The following ACYP2 variants were observed in gnomAD, a reference collection of about 807,000 sequenced individuals.
ACYP2 encodes the protein acylphosphatase 2.
In ACYP2, 12 loss-of-function variants were observed where a neutral mutation model predicts 11.2. That is an observed-to-expected ratio of 1.08 (90% confidence interval 0.69 to 1.74). ACYP2 has a LOEUF of 1.74. Among genes scored for constraint, ACYP2 ranks in the 40% most tolerant of loss-of-function variants. The pLI is 0.00. For synonymous variants in ACYP2, 43 were observed against 32.2 expected (o/e 1.33, Z -1.13); for missense variants, 134 against 101.9 (o/e 1.31, Z -1.35).
intron 6 of ACYP2, among the ~76,000 whole-genome samples, chr2:54,249,549 A>G (rs1052856448): frequency 5.9e-5 from 9 of 152,176 alleles, no homozygotes; most frequent in African/African-American, 1.9e-4. Context: ...GCGTTTAAAG[A>G]AAAGCCAGAG....
intron 6 of ACYP2, among the ~76,000 whole-genome samples, chr2:54,226,743 C>A (rs181569884): frequency 6.6e-6 from 1 of 152,166 alleles, no homozygotes; most frequent in Non-Finnish European, 1.5e-5. Flanking sequence ...CCTTTAAGTC[C>A]TCACCACCAT....
rs564735379 is a variant in ACYP2 at position 54,130,899 on chromosome 2, C to T, written c.278-4554C>T. ...CTCAGCTCTAAGACCTGTTTTTCAACAAGCCAGCCCTAAAATCACCCAAGA... is the reference window on the plus strand; with the variant it reads ...CTCAGCTCTAAGACCTGTTTTTCAATAAGCCAGCCCTAAAATCACCCAAGA... On this transcript the variant is annotated intron_variant, in intron 4 of 6. Transcript: ENST00000607452. Among the ~76,000 whole-genome samples the T allele has an allele frequency of 1.3e-3, 192 of 152,264 alleles. 1 individual carries two copies. Among genetic ancestry groups the T allele is most frequent in the African/African-American group, 4.2e-3 (176 of 41,554 alleles).
chr2:54,017,837 T>C (rs900429135), intron 2 of ACYP2, among the ~76,000 whole-genome samples: 1 of 152,098 alleles, frequency 6.6e-6, no homozygotes, highest in Admixed American at 6.6e-5. Context: ...GTGGCAGTTA[T>C]CAGTGAGCGT....
intron 6 of ACYP2, among the ~76,000 whole-genome samples, chr2:54,204,249 G>A (rs780146031): frequency 6.6e-5 from 10 of 151,646 alleles, no homozygotes; most frequent in Admixed American, 2.0e-4. Flanking sequence ...CGCCCACCTC[G>A]GCCAAAGTGC....
At chr2:54,258,226 G>C (rs1264404925) in intron 6 of ACYP2, among the ~76,000 whole-genome samples, 1 of 152,222 alleles carries the variant, frequency 6.6e-6, no homozygotes, top group African/African-American at 2.4e-5. Context: ...CCTGGGGGTA[G>C]GGAGTGGGGA....
intron 5 of ACYP2, among the ~76,000 whole-genome samples, chr2:54,137,306 G>A (rs375449370): frequency 1.3e-5 from 2 of 151,902 alleles, no homozygotes; most frequent in African/African-American, 2.4e-5. Context: ...TAGGTTCAGC[G>A]GTACTCATAT....
intron 6 of ACYP2, among the ~76,000 whole-genome samples, chr2:54,282,927 A>T (rs1688910433): frequency 6.6e-6 from 1 of 152,188 alleles, no homozygotes; most frequent in Admixed American, 6.5e-5. Flanking sequence ...GAGAGCTTTC[A>T]CTTCCTGCTT....
chr2:54,226,541 C>G (rs1384439483), intron 6 of ACYP2, among the ~76,000 whole-genome samples: 1 of 152,222 alleles, frequency 6.6e-6, no homozygotes, highest in African/African-American at 2.4e-5. Context: ...CTGTGATCTA[C>G]TCCTGCAAAG....
chr2:53,983,808 G>GC (rs1671880694), intron 2 of ACYP2, among the ~76,000 whole-genome samples: 1 of 152,140 alleles, frequency 6.6e-6, no homozygotes, highest in Non-Finnish European at 1.5e-5. Context: ...CATATCCCCA[G>GC]CAGAAGCATC....
At chr2:54,123,794 G>A (rs72800752) in intron 4 of ACYP2, among the ~76,000 whole-genome samples, 8,292 of 152,076 alleles carry the variant, frequency 0.055, 292 homozygotes, top group Admixed American at 0.078. Context: ...GCAATACCCC[G>A]ACATGGAGAA....
rs761017970 is a variant in ACYP2, at chr2:54,135,485, C to A, written c.294+16C>A. 6 of 1,601,308 alleles carry A rather than the reference C, an allele frequency of 3.7e-6. No individual in the cohort carries two copies. Among genetic ancestry groups the A allele is most frequent in the Non-Finnish European group, 5.1e-6 (6 of 1,173,308 alleles). On this transcript the variant is annotated intron_variant, in intron 5 of 6. Coordinates refer to ENST00000607452, the MANE Select transcript of ACYP2 (RefSeq NM_001320586.2). ...CTTCAGAATGGTAAGTCAGTACAAT[C>A]TTTATTATTTTGCTATTTTTTTTCC...
At chr2:54,250,290 A>T (rs910057285) in intron 6 of ACYP2, among the ~76,000 whole-genome samples, 1 of 152,186 alleles carries the variant, frequency 6.6e-6, no homozygotes, top group Non-Finnish European at 1.5e-5. Flanking sequence ...CAGCGTGGCC[A>T]GCATGGTGAA....
chr2:54,013,255 A>ATATGTGTGTG (rs1199088976), intron 2 of ACYP2, among the ~76,000 whole-genome samples: 21 of 117,604 alleles, frequency 1.8e-4, no homozygotes, highest in African/African-American at 5.4e-4. Flanking sequence ...ACCATCTAAT[A>ATATGTGTGTG]TGTGTGTGTG....
intron 4 of ACYP2, among the ~76,000 whole-genome samples, chr2:54,075,383 C>G (rs1011087330): frequency 2.0e-5 from 3 of 152,032 alleles, no homozygotes; most frequent in Admixed American, 6.6e-5. Context: ...CCTGTAATCC[C>G]AGCTACTTGG....
chr2:54,216,800 G>T (rs1485946182), intron 6 of ACYP2, among the ~76,000 whole-genome samples: 1 of 152,238 alleles, frequency 6.6e-6, no homozygotes, highest in Admixed American at 6.5e-5. Flanking sequence ...GCCTTCCAAA[G>T]TGCTGGAATT....
intron 6 of ACYP2, among the ~76,000 whole-genome samples, chr2:54,205,983 C>G (rs536850069): frequency 6.6e-6 from 1 of 152,086 alleles, no homozygotes; most frequent in Admixed American, 6.5e-5. Context: ...TTTAATAATT[C>G]CTATATTTAT....
intron 6 of ACYP2, among the ~76,000 whole-genome samples, chr2:54,299,598 A>AC (rs1689645494): frequency 1.3e-5 from 2 of 151,138 alleles, no homozygotes; most frequent in Non-Finnish European, 3.0e-5. Context: ...TCTCAAAAAA[A>AC]AAAAAAAAAA....
At chr2:54,007,205 C>A in intron 2 of ACYP2, among the ~76,000 whole-genome samples, 1 of 142,022 alleles carries the variant, frequency 7.0e-6, no homozygotes, top group Admixed American at 6.9e-5. Flanking sequence ...ACTACGCCTA[C>A]ATTTTAGCGG....
intron 4 of ACYP2, among the ~76,000 whole-genome samples, chr2:54,128,209 TTTTC>T (rs1361093923): frequency 2.6e-5 from 4 of 152,164 alleles, no homozygotes; most frequent in African/African-American, 9.7e-5. Flanking sequence ...ATGCACTGGT[TTTTC>T]TTTGTTAGAT....
Sources: allele counts gnomAD v4.1 joint callset (sites outside exome capture counted in the v4.1 genomes callset), GRCh38; gene constraint gnomAD v4.1.1; transcripts MANE v1.5; gene names NCBI Gene and HGNC (gene_info 2026-07-23, HGNC 2026-07-21).